Variants in MTA3 observed in about 807,000 individuals in gnomAD.
The protein encoded by MTA3 is metastasis-associated protein MTA3.
Under a neutral mutation model 83.5 loss-of-function variants are expected in MTA3, and 34 were observed. The ratio of observed to expected loss-of-function variants is 0.41; its 90% CI spans 0.31 to 0.54. The LOEUF is 0.54. Among genes scored for constraint, MTA3 ranks in the 20% least tolerant of loss-of-function variants. The pLI is 0.33. For synonymous variants in MTA3, 303 were observed against 252.7 expected (o/e 1.20, Z -1.89); for missense variants, 761 against 726.4 (o/e 1.05, Z -0.55).
chr2:42,561,328 C>A (rs944434156), intron 2 of MTA3, among the ~76,000 whole-genome samples: 21 of 143,886 alleles, frequency 1.5e-4, no homozygotes, highest in Admixed American at 5.6e-4. Flanking sequence ...TTATTTATTT[C>A]TTTTTTTTTT....
At chr2:42,621,011 A>G (rs1685469355) in intron 4 of MTA3, among the ~76,000 whole-genome samples, 2 of 152,144 alleles carry the variant, frequency 1.3e-5, no homozygotes, top group African/African-American at 2.4e-5. Flanking sequence ...ACATACATCA[A>G]AACATCATGT....
intron 2 of MTA3, among the ~76,000 whole-genome samples, chr2:42,532,078 C>T (rs1676007539): frequency 6.6e-6 from 1 of 152,188 alleles, no homozygotes; most frequent in Admixed American, 6.6e-5. Context: ...TTTAATGCTA[C>T]AATTATGAGT....
At chr2:42,562,243 C>T (rs1266027098) in intron 2 of MTA3, among the ~76,000 whole-genome samples, 4 of 152,164 alleles carry the variant, frequency 2.6e-5, no homozygotes, top group Non-Finnish European at 4.4e-5. Flanking sequence ...TCTGCAAACA[C>T]ACTTTTTCCA....
At chr2:42,719,487 G>C (rs143718565) in intron 15 of MTA3, among the ~76,000 whole-genome samples, 1 of 152,092 alleles carries the variant, frequency 6.6e-6, no homozygotes, top group Admixed American at 6.5e-5. Flanking sequence ...ATTAAAATGA[G>C]ATCAAACTGG....
intron 4 of MTA3, among the ~76,000 whole-genome samples, chr2:42,630,853 A>C (rs1686604609): frequency 6.6e-6 from 1 of 152,166 alleles, no homozygotes; most frequent in Admixed American, 6.6e-5. Flanking sequence ...TTCAGCTGAA[A>C]GGATTTGTAA....
Position 42,547,431 on chromosome 2 carries a change from G to C in MTA3, c.-140-23006G>C, listed in dbSNP as rs556151697. Among the ~76,000 whole-genome samples the C allele has an allele frequency of 1.5e-4, 23 of 152,356 alleles. No homozygotes were observed. In the East Asian group the frequency reaches 4.4e-3, roughly 29 times the overall value. ...CAACCTCCACCTCCTGGGTTCAAGC[G>C]ATTCTCGTGCCTCAGCCTCGTAAGT... On this transcript the variant is annotated intron_variant, in intron 2 of 17. Transcript: ENST00000405592.
At chr2:42,732,810 A>G (rs982604447) in intron 16 of MTA3, among the ~76,000 whole-genome samples, 1 of 152,230 alleles carries the variant, frequency 6.6e-6, no homozygotes, top group Non-Finnish European at 1.5e-5. Context: ...TCTCAAGTTC[A>G]AAGTTCCACA....
chr2:42,603,853 C>G (rs1169018568), intron 3 of MTA3, among the ~76,000 whole-genome samples: 2 of 152,052 alleles, frequency 1.3e-5, no homozygotes, highest in Admixed American at 1.3e-4. Context: ...CGGCTTCACG[C>G]CATTCTCCTG....
At chr2:42,725,802 C>T (rs1004162691) in intron 16 of MTA3, among the ~76,000 whole-genome samples, 1 of 152,202 alleles carries the variant, frequency 6.6e-6, no homozygotes, top group Admixed American at 6.5e-5. Flanking sequence ...CTTCTAGCGC[C>T]CTGCTGGTGT....
chr2:42,729,723 A>C (rs999265147), intron 16 of MTA3, among the ~76,000 whole-genome samples: 4 of 152,128 alleles, frequency 2.6e-5, no homozygotes, highest in African/African-American at 9.7e-5. Context: ...AGTCAGATGA[A>C]GTGATTTTTC....
At chr2:42,614,285 C>T (rs757429202) in intron 4 of MTA3, 2 of 151,984 alleles carry the variant, frequency 1.3e-5, no homozygotes, top group African/African-American at 2.4e-5. Context: ...TTAGTACAGA[C>T]GGGGTTTCTC....
intron 2 of MTA3, among the ~76,000 whole-genome samples, chr2:42,513,737 G>A (rs958867482): frequency 3.3e-5 from 5 of 152,196 alleles, no homozygotes; most frequent in African/African-American, 7.2e-5. Context: ...TCAGTGAGCC[G>A]GGAATGAGGG....
chr2:42,579,698 A>G (rs1265103359), intron 3 of MTA3, among the ~76,000 whole-genome samples: 1 of 152,072 alleles, frequency 6.6e-6, no homozygotes, highest in Non-Finnish European at 1.5e-5. Context: ...GTGTCTTGCC[A>G]TCTCCTGTTT....
intron 2 of MTA3, among the ~76,000 whole-genome samples, chr2:42,538,337 A>G (rs964767009): frequency 2.0e-5 from 3 of 152,176 alleles, no homozygotes; most frequent in African/African-American, 7.2e-5. Flanking sequence ...TGATAGCTAT[A>G]TGGGTGTTCA....
chr2:42,622,595 A>C (rs984739972), intron 4 of MTA3, among the ~76,000 whole-genome samples: 1 of 152,152 alleles, frequency 6.6e-6, no homozygotes, highest in African/African-American at 2.4e-5. Flanking sequence ...TATGTATCCA[A>C]CGTAAGTTCT....
intron 2 of MTA3, among the ~76,000 whole-genome samples, chr2:42,552,137 A>C (rs754227866): frequency 6.6e-5 from 10 of 152,066 alleles, no homozygotes; most frequent in Non-Finnish European, 1.0e-4. Flanking sequence ...GATGTATTTG[A>C]GCTGTCAAGC....
At chr2:42,645,955 C>CT (rs1328838767) in intron 6 of MTA3, among the ~76,000 whole-genome samples, 1 of 152,184 alleles carries the variant, frequency 6.6e-6, no homozygotes, top group Non-Finnish European at 1.5e-5. Flanking sequence ...TAGCTAGAAG[C>CT]TTCAAAGGAC....
intron 5 of MTA3, among the ~76,000 whole-genome samples, chr2:42,641,629 C>G (rs751480016): frequency 6.6e-6 from 1 of 151,928 alleles, no homozygotes; most frequent in African/African-American, 2.4e-5. Context: ...GGGCGGATCA[C>G]GAGGTCAGGA....
At chr2:42,672,126 T>C (rs1161018786) in intron 8 of MTA3, among the ~76,000 whole-genome samples, 1 of 152,122 alleles carries the variant, frequency 6.6e-6, no homozygotes, top group Non-Finnish European at 1.5e-5. Flanking sequence ...TTAATTACGC[T>C]CATAGTAAGT....
Sources: allele counts gnomAD v4.1 joint callset (sites outside exome capture counted in the v4.1 genomes callset), GRCh38; gene constraint gnomAD v4.1.1; transcripts MANE v1.5; gene names NCBI Gene and HGNC (gene_info 2026-07-23, HGNC 2026-07-21).